Variants in ADGRL3 observed in about 807,000 individuals in gnomAD.
ADGRL3 encodes the protein adhesion G protein-coupled receptor L3.
Under a neutral mutation model 153.5 loss-of-function variants are expected in ADGRL3, and 62 were observed. The ratio of observed to expected loss-of-function variants is 0.40; its 90% CI spans 0.33 to 0.50. ADGRL3 has a LOEUF of 0.50. ADGRL3 is among the 20% of genes least tolerant of loss of function. The pLI is 0.47. For synonymous variants in ADGRL3, 710 were observed against 672.5 expected, an observed-to-expected ratio of 1.06 and a Z score of -0.86; for missense variants, 1,641 against 1,859.4, an observed-to-expected ratio of 0.88 and a Z score of 2.16.
At chr4:61,339,843 G>C (rs1297249983) in intron 1 of ADGRL3, among the ~76,000 whole-genome samples, 1 of 152,120 alleles carries the variant, frequency 6.6e-6, no homozygotes, top group Non-Finnish European at 1.5e-5. Flanking sequence ...CTCTGTCTTT[G>C]GGTTTGTGAA....
chr4:61,967,296 T>G (rs1381205542), intron 17 of ADGRL3, among the ~76,000 whole-genome samples: 2 of 152,156 alleles, frequency 1.3e-5, no homozygotes, highest in Non-Finnish European at 2.9e-5. Flanking sequence ...TACAATGTAG[T>G]AATTAAACAT....
At chr4:61,857,718 T>TCCTC (rs2098293456) in intron 9 of ADGRL3, among the ~76,000 whole-genome samples, 1 of 145,442 alleles carries the variant, frequency 6.9e-6, no homozygotes, top group African/African-American at 2.8e-5. Context: ...TTTCCTCCTT[T>TCCTC]CTTTCTTCTC....
At chr4:61,710,969 C>A (rs754864132) in intron 6 of ADGRL3, among the ~76,000 whole-genome samples, 2 of 152,092 alleles carry the variant, frequency 1.3e-5, no homozygotes, top group Non-Finnish European at 2.9e-5. Context: ...CATTATAGTT[C>A]TCAGCTGTAT....
At chr4:61,751,115 C>T (rs954158084) in intron 8 of ADGRL3, among the ~76,000 whole-genome samples, 2 of 152,110 alleles carry the variant, frequency 1.3e-5, no homozygotes, top group South Asian at 2.1e-4. Context: ...ATTATGTGCT[C>T]CTTAATGATA....
chr4:61,293,258 G>C (rs1025195644), intron 1 of ADGRL3, among the ~76,000 whole-genome samples: 1 of 152,116 alleles, frequency 6.6e-6, no homozygotes, highest in Non-Finnish European at 1.5e-5. Flanking sequence ...GAGAGTATAC[G>C]ATTCTCTTTC....
chr4:61,809,822 A>C (rs1198747803), intron 8 of ADGRL3, among the ~76,000 whole-genome samples: 1 of 152,024 alleles, frequency 6.6e-6, no homozygotes, highest in East Asian at 1.9e-4. Flanking sequence ...TAATAATAAC[A>C]GCTAAAAATT....
chr4:61,558,545 GA>G (rs1393121932), intron 4 of ADGRL3, among the ~76,000 whole-genome samples: 3 of 151,244 alleles, frequency 2.0e-5, no homozygotes, highest in Non-Finnish European at 4.4e-5. Flanking sequence ...TATCTATCTA[GA>G]TCTCTTTCTT....
chr4:62,001,649 A>G (rs1355323510), intron 21 of ADGRL3, among the ~76,000 whole-genome samples: 1 of 152,188 alleles, frequency 6.6e-6, no homozygotes, highest in African/African-American at 2.4e-5. Flanking sequence ...ACATTAAGTA[A>G]AACTGAAAAT....
At chr4:61,287,382 A>G (rs2093977989) in intron 1 of ADGRL3, among the ~76,000 whole-genome samples, 1 of 151,958 alleles carries the variant, frequency 6.6e-6, no homozygotes, top group Admixed American at 6.6e-5. Context: ...TTCCATTTTA[A>G]TGCACTTTAC....
At chr4:61,247,635 T>A (rs1454593162) in intron 1 of ADGRL3, among the ~76,000 whole-genome samples, 2 of 152,080 alleles carry the variant, frequency 1.3e-5, no homozygotes, top group Non-Finnish European at 2.9e-5. Flanking sequence ...GTTTTCTAAT[T>A]AAACAACGGA....
At chr4:61,544,875 C>A (rs1023418803) in intron 4 of ADGRL3, among the ~76,000 whole-genome samples, 1 of 152,152 alleles carries the variant, frequency 6.6e-6, no homozygotes, top group Non-Finnish European at 1.5e-5. Context: ...ATTTCACTAA[C>A]ACTTTGCAAT....
chr4:61,341,421 C>T (rs924960648), intron 1 of ADGRL3, among the ~76,000 whole-genome samples: 2 of 151,710 alleles, frequency 1.3e-5, no homozygotes, highest in African/African-American at 4.8e-5. Flanking sequence ...GAACCCCTAA[C>T]TTCACTGCCC....
intron 4 of ADGRL3, among the ~76,000 whole-genome samples, chr4:61,519,915 T>C (rs2098519872): frequency 6.6e-6 from 1 of 152,230 alleles, no homozygotes; most frequent in South Asian, 2.1e-4. Flanking sequence ...ACAAAATTGA[T>C]ATTACTTAAA....
At chr4:61,225,280 A>G (rs1747429802) in intron 1 of ADGRL3, among the ~76,000 whole-genome samples, 1 of 152,116 alleles carries the variant, frequency 6.6e-6, no homozygotes, top group African/African-American at 2.4e-5. Flanking sequence ...CGCTTCCTGG[A>G]TGGTACTGTG....
intron 9 of ADGRL3, among the ~76,000 whole-genome samples, chr4:61,873,067 T>C (rs1377642094): frequency 6.6e-6 from 1 of 152,226 alleles, no homozygotes; most frequent in Admixed American, 6.5e-5. Flanking sequence ...CAGGCTTGTT[T>C]TACTTGATTT....
At chr4:61,837,452 A>G (rs909348942) in intron 9 of ADGRL3, among the ~76,000 whole-genome samples, 3 of 152,112 alleles carry the variant, frequency 2.0e-5, no homozygotes, top group African/African-American at 7.2e-5. Flanking sequence ...TCTTTGGAAA[A>G]GACAAATGGG....
intron 25 of ADGRL3, chr4:62,063,748 A>G (rs2064036726): frequency 2.0e-6 from 1 of 495,880 alleles, no homozygotes; most frequent in Non-Finnish European, 3.6e-6. Context: ...GCAGACCTGC[A>G]GACTCCTTTC....
At chr4:61,855,779 T>C (rs2098256597) in intron 9 of ADGRL3, among the ~76,000 whole-genome samples, 1 of 152,172 alleles carries the variant, frequency 6.6e-6, no homozygotes, top group African/African-American at 2.4e-5. Context: ...TCTTTTTTTT[T>C]CAGCCACTAT....
intron 8 of ADGRL3, among the ~76,000 whole-genome samples, chr4:61,774,109 C>A (rs2097117649): frequency 1.3e-5 from 2 of 152,038 alleles, no homozygotes; most frequent in South Asian, 4.1e-4. Context: ...GTAATCCCAG[C>A]ACTTTGGGGC....
Sources: gnomAD v4.1 joint callset for allele counts (sites outside exome capture counted in the v4.1 genomes callset) on GRCh38, gnomAD v4.1.1 for gene constraint, MANE v1.5 for transcripts, NCBI Gene and HGNC (gene_info 2026-07-23, HGNC 2026-07-21) for gene names.